Variants in NCAM2 observed in about 807,000 individuals in gnomAD.
NCAM2 encodes the protein N-CAM-2.
Under a neutral mutation model 98.1 loss-of-function variants are expected in NCAM2, and 30 were observed. That is an observed-to-expected ratio of 0.31 (90% confidence interval 0.23 to 0.41). NCAM2 has a LOEUF of 0.41. NCAM2 is among the 10% of genes least tolerant of loss of function. The pLI is 1.00. For missense variants in NCAM2, 867 were observed against 1,005.8 expected (o/e 0.86, Z 1.87); for synonymous variants, 368 against 342.4 (o/e 1.07, Z -0.83).
intron 1 of NCAM2, among the ~76,000 whole-genome samples, chr21:21,168,103 C>A (rs2068009539): frequency 6.6e-6 from 1 of 151,996 alleles, no homozygotes; most frequent in African/African-American, 2.4e-5. Context: ...AATATTTTTA[C>A]TTTACAACCG....
chr21:21,147,472 T>C (rs1402124412), intron 1 of NCAM2, among the ~76,000 whole-genome samples: 1 of 151,712 alleles, frequency 6.6e-6, no homozygotes, highest in African/African-American at 2.4e-5. Flanking sequence ...TGCCGTGGTA[T>C]ACTCATGACT....
chr21:21,541,238 G>C lies in NCAM2; in HGVS notation c.*3281G>C, dbSNP rs769271442. 9.9e-5 allele frequency: 15 copies of C among 151,178 alleles called. No homozygotes were observed. The highest frequency in any genetic ancestry group is 1.5e-4 in the African/African-American group (6 of 41,294). 9.4% of individuals were successfully genotyped at this position (151,178 alleles called of 1,614,324 possible). On this transcript the variant is annotated 3_prime_UTR_variant, in exon 18 of 18. Transcript: ENST00000400546. ...TGCCTTTTAATTAGCATGACAGTCTGCTTTATTAAAAGAAAAAAACTACAA... is the reference window on the plus strand; with the variant it reads ...TGCCTTTTAATTAGCATGACAGTCTCCTTTATTAAAAGAAAAAAACTACAA...
chr21:21,197,878 ATTGTGAAATGGACAGCATT>A (rs1220962784), intron 1 of NCAM2, among the ~76,000 whole-genome samples: 1 of 152,162 alleles, frequency 6.6e-6, no homozygotes, highest in Non-Finnish European at 1.5e-5. Context: ...TCATTTAGCC[ATTGTGAAATGGACAGCATT>A]GCACCTTTGG....
intron 1 of NCAM2, among the ~76,000 whole-genome samples, chr21:21,236,722 C>A (rs2070842356): frequency 6.6e-6 from 1 of 151,464 alleles, no homozygotes; most frequent in Non-Finnish European, 1.5e-5. Flanking sequence ...GGTCCTCTCT[C>A]CCATGAGATA....
rs544579299 is a variant in NCAM2 at position 21,483,878 on chromosome 21, T to G, written c.2077+6407T>G. On this transcript the variant is annotated intron_variant, in intron 15 of 17. Coordinates refer to ENST00000400546, the MANE Select transcript of NCAM2 (RefSeq NM_004540.5). ...AATAGGTTAATGCTTCTAGCTTCTA[T>G]GCTTATTGCAAATTTTAATTATGTG... 1.8e-4 allele frequency among the ~76,000 whole-genome samples: 28 copies of G among 152,298 alleles called. No individual in the cohort carries two copies. The South Asian group carries it at 2.3e-3, about 12-fold the overall frequency.
At chr21:21,070,127 C>T (rs1414962053) in intron 1 of NCAM2, among the ~76,000 whole-genome samples, 1 of 151,954 alleles carries the variant, frequency 6.6e-6, no homozygotes, top group African/African-American at 2.4e-5. Flanking sequence ...TAATAGATTT[C>T]ACAGAACCAG....
chr21:21,366,970 T>C (rs2075801592), intron 8 of NCAM2, among the ~76,000 whole-genome samples: 1 of 152,078 alleles, frequency 6.6e-6, no homozygotes, highest in African/African-American at 2.4e-5. Flanking sequence ...CAATACTTAC[T>C]AATGACTAGT....
At chr21:21,252,141 CA>C (rs1188162231) in intron 1 of NCAM2, among the ~76,000 whole-genome samples, 1 of 151,860 alleles carries the variant, frequency 6.6e-6, no homozygotes, top group Non-Finnish European at 1.5e-5. Flanking sequence ...AAATCAAAAC[CA>C]CAATGAGATA....
At chr21:21,169,125 G>C (rs1338180297) in intron 1 of NCAM2, among the ~76,000 whole-genome samples, 1 of 152,066 alleles carries the variant, frequency 6.6e-6, no homozygotes, top group East Asian at 1.9e-4. Flanking sequence ...GATTCCAGAA[G>C]TAGACCCACA....
intron 12 of NCAM2, among the ~76,000 whole-genome samples, chr21:21,462,544 A>G (rs1045914215): frequency 1.3e-5 from 2 of 152,046 alleles, no homozygotes; most frequent in Non-Finnish European, 2.9e-5. Context: ...GTTCTCTAAT[A>G]AAAAGAGAAT....
In NCAM2 at chr21:21,468,659, T is replaced by A; in HGVS notation, c.1775-3T>A. The A allele has an allele frequency of 1.9e-6, 3 of 1,609,430 alleles. No individual in the cohort carries two copies. Among genetic ancestry groups the A allele is most frequent in the Non-Finnish European group, 2.5e-6 (3 of 1,177,400 alleles). ...ATGAAGAAATGTTGTATTGTATATC[T>A]AGGTGAACCAAGTCCTCCATCCATA... On this transcript the variant is annotated splice_region_variant and splice_polypyrimidine_tract_variant and intron_variant, in intron 13 of 17. Transcript: ENST00000400546.
At chr21:21,214,746 T>TATATATATAC (rs11268201) in intron 1 of NCAM2, among the ~76,000 whole-genome samples, 4,779 of 100,436 alleles carry the variant, frequency 0.048, 217 homozygotes, top group South Asian at 0.061. Flanking sequence ...TATATATATA[T>TATATATATAC]ACACTATATA....
chr21:21,386,886 G>A (rs2076281328), intron 9 of NCAM2, among the ~76,000 whole-genome samples: 1 of 152,040 alleles, frequency 6.6e-6, no homozygotes, highest in Non-Finnish European at 1.5e-5. Flanking sequence ...CTGCCTGTTG[G>A]CGTCTGTTTA....
chr21:21,273,894 G>A (rs1228325668), intron 1 of NCAM2, among the ~76,000 whole-genome samples: 1 of 152,260 alleles, frequency 6.6e-6, no homozygotes, highest in Non-Finnish European at 1.5e-5. Context: ...GGCCGGGTGC[G>A]TTGGCTCATG....
At chr21:21,397,571 A>T (rs564347835) in intron 9 of NCAM2, among the ~76,000 whole-genome samples, 73 of 152,300 alleles carry the variant, frequency 4.8e-4, no homozygotes, top group Non-Finnish European at 7.9e-4. Flanking sequence ...TTTGCTCCAA[A>T]ATCGGAGCAG....
At chr21:21,385,532 C>T (rs980074996) in intron 9 of NCAM2, 4 of 643,166 alleles carry the variant, frequency 6.2e-6, no homozygotes, top group Non-Finnish European at 9.9e-6. Flanking sequence ...GCCGCATTTA[C>T]TGTAATAGCA....
chr21:21,180,808 T>C (rs2068444543), intron 1 of NCAM2, among the ~76,000 whole-genome samples: 2 of 152,166 alleles, frequency 1.3e-5, no homozygotes, highest in Admixed American at 6.6e-5. Flanking sequence ...AAGAGTTATG[T>C]AGAGAAATGA....
intron 1 of NCAM2, among the ~76,000 whole-genome samples, chr21:21,225,878 T>C (rs2070361298): frequency 6.6e-6 from 1 of 152,096 alleles, no homozygotes; most frequent in African/African-American, 2.4e-5. Flanking sequence ...TGCATTTATA[T>C]GTTTATCATA....
At chr21:21,123,587 C>A (rs1189164335) in intron 1 of NCAM2, among the ~76,000 whole-genome samples, 2 of 152,078 alleles carry the variant, frequency 1.3e-5, no homozygotes, top group African/African-American at 4.8e-5. Context: ...TAAGATGCTA[C>A]AAATGTCTTG....
Sources: gnomAD v4.1 joint callset for allele counts (sites outside exome capture counted in the v4.1 genomes callset) on GRCh38, gnomAD v4.1.1 for gene constraint, MANE v1.5 for transcripts, NCBI Gene and HGNC (gene_info 2026-07-23, HGNC 2026-07-21) for gene names.